SNURF: variants seen among roughly 807,000 people sequenced by gnomAD.
SNURF encodes the protein SNURF protein.
Under a neutral mutation model 11.6 loss-of-function variants are expected in SNURF, and 6 were observed. The ratio of observed to expected loss-of-function variants is 0.52; its 90% CI spans 0.28 to 1.02. The LOEUF (loss-of-function observed/expected upper bound fraction) is 1.02. Among genes scored for constraint, SNURF ranks in the 50% least tolerant of loss-of-function variants. The probability of loss-of-function intolerance (pLI) is 0.09; values close to 1 mark genes in which losing one functional copy is unlikely to be tolerated. For missense variants in SNURF, 84 were observed against 88.4 expected, an observed-to-expected ratio of 0.95 and a Z score of 0.20; for synonymous variants, 29 against 31.6, an observed-to-expected ratio of 0.92 and a Z score of 0.27.
intron 2 of SNURF, among the ~76,000 whole-genome samples, chr15:24,967,397 T>C (rs995739961): frequency 7.9e-5 from 12 of 152,064 alleles, no homozygotes; most frequent in African/African-American, 2.9e-4. Context: ...CCCAGCACTT[T>C]GGGAGGCCAA....
downstream of SNURF, chr15:24,968,948 C>A (rs1470671830): frequency 3.3e-5 from 5 of 151,402 alleles, no homozygotes; most frequent in African/African-American, 1.2e-4. Context: ...TTTTTTTCTA[C>A]TTTAAGTTTT....
chr15:24,956,391 T>C (rs558064234), intron 1 of SNURF, among the ~76,000 whole-genome samples: 91 of 144,664 alleles, frequency 6.3e-4, no homozygotes, highest in African/African-American at 2.2e-3. Flanking sequence ...GAGCCGCCAG[T>C]GGGGAGGGGG....
chr15:24,961,029 C>A lies in SNURF; in HGVS notation c.15-1085C>A, dbSNP rs1421268006. On this transcript the variant is annotated intron_variant, in intron 1 of 2. Coordinates refer to ENST00000577949, the Ensembl canonical transcript of SNURF. ...GCTGTATGTTAAGCAAATATTTTTT[C>A]CTATTCTGGTTATCCTTTCACTTTC... Among the ~76,000 whole-genome samples the A allele has an allele frequency of 2.6e-5, 4 of 151,760 alleles. No individual in the cohort carries two copies. In the South Asian group the frequency reaches 8.3e-4, roughly 32 times the overall value.
At chr15:24,966,022 T>C (rs538488382) in intron 2 of SNURF, among the ~76,000 whole-genome samples, 1 of 152,300 alleles carries the variant, frequency 6.6e-6, no homozygotes, top group African/African-American at 2.4e-5. Flanking sequence ...AAGTAGACTA[T>C]GAATTAGAGT....
intron 3 of SNURF, chr15:24,974,412 C>T: frequency 1.9e-6 from 3 of 1,607,698 alleles, no homozygotes; most frequent in Non-Finnish European, 1.7e-6. Context: ...TCAGAAGCAT[C>T]AAGTTTTAAC....
At chr15:24,957,046 T>G (rs924086190) in intron 1 of SNURF, among the ~76,000 whole-genome samples, 3 of 152,238 alleles carry the variant, frequency 2.0e-5, no homozygotes, top group African/African-American at 7.2e-5. Flanking sequence ...GGTTGTATTG[T>G]GCGCTAATTC....
At chr15:24,959,078 A>G (rs1331469574) in intron 1 of SNURF, among the ~76,000 whole-genome samples, 5 of 152,212 alleles carry the variant, frequency 3.3e-5, no homozygotes, top group African/African-American at 1.2e-4. Flanking sequence ...TTAGGCCGTA[A>G]TAAAATTGGG....
At chr15:24,963,221 C>T (rs1031182436) in intron 2 of SNURF, among the ~76,000 whole-genome samples, 12 of 152,092 alleles carry the variant, frequency 7.9e-5, no homozygotes, top group African/African-American at 2.4e-4. Context: ...ACAAAGTGTG[C>T]GTGGTGTGAT....
chr15:24,976,326 A>G (rs891481290), exon 5 of SNURF: 4 of 1,613,742 alleles, frequency 2.5e-6, no homozygotes, highest in Admixed American at 3.3e-5. Context: ...CGAAGCAACC[A>G]GAGCGTGAAG....
At chr15:24,966,573 G>A (rs975444280) in intron 2 of SNURF, among the ~76,000 whole-genome samples, 1 of 152,086 alleles carries the variant, frequency 6.6e-6, no homozygotes, top group Non-Finnish European at 1.5e-5. Context: ...TTTGTGGCCT[G>A]GTTAGTCACC....
intron 1 of SNURF, among the ~76,000 whole-genome samples, chr15:24,955,861 G>A (rs964062018): frequency 2.0e-5 from 3 of 151,800 alleles, no homozygotes; most frequent in African/African-American, 7.3e-5. Context: ...GAGGCGGTGG[G>A]CATGGCGGCC....
intron 2 of SNURF, among the ~76,000 whole-genome samples, chr15:24,967,685 G>T (rs183425416): frequency 6.6e-6 from 1 of 150,980 alleles, no homozygotes; most frequent in Non-Finnish European, 1.5e-5. Context: ...GTAGGTGCCT[G>T]TAATCCCAGC....
chr15:24,975,117 G>C (rs1306269024), intron 3 of SNURF, among the ~76,000 whole-genome samples: 4 of 152,138 alleles, frequency 2.6e-5, no homozygotes, highest in Non-Finnish European at 4.4e-5. Flanking sequence ...TCACAGAGAA[G>C]GATAATCACC....
chr15:24,976,157 T>A lies in SNURF; in HGVS notation c.*198-148T>A, dbSNP rs2077037952. The A allele has an allele frequency of 9.1e-6, 6 of 659,376 alleles. No individual in the cohort carries two copies. The East Asian group carries it at 1.6e-4, about 18-fold the overall frequency. The allele number at this position is 659,376 out of a possible 1,614,324, so 40.8% of individuals were successfully genotyped here. On this transcript the variant is annotated intron_variant and NMD_transcript_variant, in intron 4 of 6. Transcript: ENST00000580062. The stretch of plus-strand genomic sequence containing the variant: ...TTTACCCTTGTATATTAACTGTGTT[T>A]ACAGATATTTTTTGGCTTGTTTTTC...
At chr15:24,960,711 C>A (rs541091449) in intron 1 of SNURF, among the ~76,000 whole-genome samples, 1 of 152,118 alleles carries the variant, frequency 6.6e-6, no homozygotes, top group African/African-American at 2.4e-5. Flanking sequence ...TTTTACCCAT[C>A]GTAGCAATAG....
chr15:24,964,509 G>A (rs1487481213), intron 2 of SNURF, among the ~76,000 whole-genome samples: 1 of 152,050 alleles, frequency 6.6e-6, no homozygotes, highest in Non-Finnish European at 1.5e-5. Flanking sequence ...GGTCAGGCTG[G>A]GCTCGAACTC....
intron 3 of SNURF, chr15:24,975,302 A>G (rs1360036966): frequency 2.8e-6 from 4 of 1,444,184 alleles, no homozygotes; most frequent in Non-Finnish European, 3.8e-6. Flanking sequence ...ACAGGAGAAG[A>G]TTAGAAGACT....
rs550990063 is a variant in SNURF at position 24,956,529 on chromosome 15, G to C, written c.14+1467G>C. On this transcript the variant is annotated intron_variant, in intron 1 of 2. Coordinates refer to ENST00000577949, the Ensembl canonical transcript of SNURF. ...CCTCCCCAAAGTGCTGCTTGGGAAA[G>C]GATGCAGGTTGCGCAGACGCAGCAG... Among the ~76,000 whole-genome samples the C allele has an allele frequency of 2.7e-3, 415 of 152,332 alleles. 6 individuals carry two copies. Among genetic ancestry groups the C allele is most frequent in the African/African-American group, 9.4e-3 (389 of 41,586 alleles).
At chr15:24,967,891 A>G (rs2075890139) in intron 2 of SNURF, 41 bp from the exon 3 acceptor site, 2 of 1,536,316 alleles carry the variant, frequency 1.3e-6, no homozygotes, top group South Asian at 1.1e-5. Flanking sequence ...ATAAAGACAA[A>G]TGTATTTTTA....
Sources: gnomAD v4.1 joint callset for allele counts (sites outside exome capture counted in the v4.1 genomes callset) on GRCh38, gnomAD v4.1.1 for gene constraint, MANE v1.5 for transcripts, NCBI Gene and HGNC (gene_info 2026-07-23, HGNC 2026-07-21) for gene names.